The following TRNAU1AP variants were observed in gnomAD, a reference collection of about 807,000 sequenced individuals.
The protein encoded by TRNAU1AP is tRNA selenocysteine 1-associated protein 1.
Under a neutral mutation model 43.3 loss-of-function variants are expected in TRNAU1AP, and 33 were observed. The ratio of observed to expected loss-of-function variants is 0.76; its 90% confidence interval spans 0.58 to 1.02. The LOEUF (loss-of-function observed/expected upper bound fraction) is 1.02, where lower values mean the gene tolerates loss of function less well. Ranked by LOEUF, TRNAU1AP falls within the 50% of genes least tolerant of loss-of-function variation. The probability of loss-of-function intolerance (pLI) is 0.00; values close to 1 mark genes in which losing one functional copy is unlikely to be tolerated. For missense variants in TRNAU1AP, 290 were observed against 362.7 expected (o/e 0.80, Z 1.63); for synonymous variants, 143 against 129.1 (o/e 1.11, Z -0.73).
intron 2 of TRNAU1AP, among the ~76,000 whole-genome samples, chr1:28,559,067 TTTTA>T (rs1312208299): frequency 6.6e-6 from 1 of 151,706 alleles, no homozygotes; most frequent in Non-Finnish European, 1.5e-5. Flanking sequence ...TCTCTTTTAT[TTTTA>T]TTTATTTTTT....
intron 8 of TRNAU1AP, among the ~76,000 whole-genome samples, chr1:28,572,334 C>T (rs1378955284): frequency 6.6e-6 from 1 of 151,946 alleles, no homozygotes; most frequent in Non-Finnish European, 1.5e-5. Flanking sequence ...GCTGGGATTA[C>T]GGGCATGCAC....
intron 8 of TRNAU1AP, 82 bp from the exon 9 acceptor site, chr1:28,577,416 CAG>C (rs758982409): frequency 4.0e-6 from 6 of 1,493,718 alleles, no homozygotes; most frequent in Non-Finnish European, 5.5e-6. Context: ...TACCATAGAA[CAG>C]AGTTCTGGGA....
At chr1:28,565,143 T>G (rs1056192129) in intron 5 of TRNAU1AP, 1 of 320,774 alleles carries the variant, frequency 3.1e-6, no homozygotes. Flanking sequence ...TATAGGTGTT[T>G]GCTGTTTTGC....
chr1:28,570,533 C>T (rs1665642136), intron 6 of TRNAU1AP, among the ~76,000 whole-genome samples: 1 of 151,840 alleles, frequency 6.6e-6, no homozygotes, highest in African/African-American at 2.4e-5. Flanking sequence ...CAGGTGTGAG[C>T]CACCGCACCC....
At chr1:28,573,973 G>A (rs1327426300) in intron 8 of TRNAU1AP, among the ~76,000 whole-genome samples, 2 of 151,744 alleles carry the variant, frequency 1.3e-5, no homozygotes, top group Non-Finnish European at 2.9e-5. Flanking sequence ...GTCTAGGCAC[G>A]GTGGCTAAAG....
At chr1:28,577,298 A>G (rs935076992) in intron 8 of TRNAU1AP, among the ~76,000 whole-genome samples, 1 of 152,228 alleles carries the variant, frequency 6.6e-6, no homozygotes, top group Admixed American at 6.5e-5. Flanking sequence ...GCAGGCTAAC[A>G]GCTGCCATTT....
In TRNAU1AP at chr1:28,558,297, C is replaced by T. The variant is rs1489897138; in HGVS notation, c.126-2336C>T. 2.1e-5 allele frequency among the ~76,000 whole-genome samples: 3 copies of T among 143,962 alleles called. No individual in the cohort carries two copies. The South Asian group carries it at 6.6e-4, about 32-fold the overall frequency. The allele number at this position is 143,962 out of a possible 152,430, so 94.4% of individuals were successfully genotyped here. A position where few individuals can be genotyped will look rare whatever the true frequency, so the allele number is the denominator to read the frequency against. On this transcript the variant is annotated intron_variant, in intron 2 of 8. Transcript: ENST00000373830. ...GTGGCGTGATGTTGGCTCACTGCAACCTCTCCCTCCGGGTTCAAGCAATTC... is the reference window on the plus strand; with the variant it reads ...GTGGCGTGATGTTGGCTCACTGCAATCTCTCCCTCCGGGTTCAAGCAATTC...
intron 2 of TRNAU1AP, among the ~76,000 whole-genome samples, chr1:28,560,418 A>G (rs1665379728): frequency 6.6e-6 from 1 of 151,848 alleles, no homozygotes; most frequent in South Asian, 2.1e-4. Context: ...GTAAGCTGGG[A>G]CTACAGGTGT....
chr1:28,553,407 C>T (rs1186177622), intron 1 of TRNAU1AP: 4 of 621,082 alleles, frequency 6.4e-6, no homozygotes, highest in Non-Finnish European at 8.7e-6. Flanking sequence ...GACTGAGGCG[C>T]GCTGTTCTGG....
At chr1:28,561,434 G>A (rs757237167) in intron 4 of TRNAU1AP, 36 bp downstream of exon 4, 14 of 1,612,182 alleles carry the variant, frequency 8.7e-6, no homozygotes, top group East Asian at 2.2e-5. Flanking sequence ...GACATAAGAT[G>A]TGTCACTGTG....
chr1:28,553,183 C>T, intron 1 of TRNAU1AP, 46 bp downstream of exon 1: 4 of 1,458,908 alleles, frequency 2.7e-6, no homozygotes, highest in East Asian at 2.8e-5. Flanking sequence ...GGAAGCATCT[C>T]GGTTTCGCGA....
intron 8 of TRNAU1AP, among the ~76,000 whole-genome samples, chr1:28,572,540 A>C (rs1470344820): frequency 6.6e-6 from 1 of 151,750 alleles, no homozygotes; most frequent in African/African-American, 2.4e-5. Flanking sequence ...TGTAAAATTC[A>C]TTTTTTATTT....
chr1:28,560,633 G>T lies in TRNAU1AP; in HGVS notation c.126G>T (p.Gly42=). 1 of 1,612,120 alleles carries T rather than the reference G, an allele frequency of 6.2e-7. No individual in the cohort carries two copies. Among genetic ancestry groups the T allele is most frequent in the Non-Finnish European group, 8.5e-7 (1 of 1,179,220 alleles). The part of the protein sequence containing the change: ...SVKIIRNRLT[G]IPAGYCFVEF... ...CTTTCTCTATTTGCTTTTTTTCCAGGATCCCAGCTGGCTACTGCTTTGTAG... is the reference window on the plus strand; with the variant it reads ...CTTTCTCTATTTGCTTTTTTTCCAGTATCCCAGCTGGCTACTGCTTTGTAG... Residue 42 remains glycine (G), a splice_region_variant and synonymous_variant, in exon 3 of 9, where the codon GGG becomes GGT. Transcript: ENST00000373830.
intron 4 of TRNAU1AP, among the ~76,000 whole-genome samples, chr1:28,563,730 T>C (rs956432178): frequency 2.0e-5 from 3 of 151,788 alleles, no homozygotes; most frequent in South Asian, 4.1e-4. Context: ...CATGTGCCTG[T>C]AGTCCCAGCC....
chr1:28,554,823 G>C (rs1570244263), intron 2 of TRNAU1AP, among the ~76,000 whole-genome samples: 1 of 140,894 alleles, frequency 7.1e-6, no homozygotes, highest in Non-Finnish European at 1.5e-5. Context: ...CAGCCTGGGC[G>C]ACAGCTGAGA....
intron 5 of TRNAU1AP, among the ~76,000 whole-genome samples, chr1:28,566,759 CAA>C (rs1204229638): frequency 3.1e-3 from 227 of 72,302 alleles, no homozygotes; most frequent in Middle Eastern, 8.9e-3. Flanking sequence ...AACTCCATCT[CAA>C]AAAAAAAAAA....
chr1:28,576,227 C>T (rs1345856818), intron 8 of TRNAU1AP, among the ~76,000 whole-genome samples: 1 of 150,798 alleles, frequency 6.6e-6, no homozygotes, highest in Non-Finnish European at 1.5e-5. Flanking sequence ...GAACATGCCT[C>T]ACTGCAGCCT....
chr1:28,577,833 A>G lies in TRNAU1AP; in HGVS notation c.*197A>G. 1.7e-6 allele frequency: 1 copy of G among 596,030 alleles called. No individual in the cohort carries two copies. The highest frequency in any genetic ancestry group is 2.8e-6 in the Non-Finnish European group (1 of 352,700). The allele number at this position is 596,030 out of a possible 1,614,324, so 36.9% of individuals were successfully genotyped here. ...AAGACCAAGGGAACAACTTTTAAAC[A>G]AGGTTCAAATTGGTTTCCTTCACAG... On this transcript the variant is annotated 3_prime_UTR_variant, in exon 9 of 9. Coordinates refer to ENST00000373830, the MANE Select transcript of TRNAU1AP (RefSeq NM_017846.5).
At position 28,567,388 on chromosome 1, in the gene TRNAU1AP, C is replaced by T. The variant is rs1307692520; in HGVS notation, c.505C>T (p.Arg169Trp). The change falls in exon 6 of 9, where the codon CGG becomes TGG. Residue 169 changes from arginine to tryptophan, a missense_variant. Arg to Trp is a moderately radical substitution (Grantham distance 101). Around this residue, in one of 3 missense-constraint regions of TRNAU1AP, gnomAD observed 174 missense variants for 262.1 expected, o/e 0.66. Coordinates refer to ENST00000373830, the MANE Select transcript of TRNAU1AP (RefSeq NM_017846.5). ...AGTGGGACTGGGGTCTAAGCCTGTG[C>T]GGCTGAGCGTGGCAATCCCTAAAGC... ...GAVGLGSKPV[R>W]LSVAIPKASR... The T allele has an allele frequency of 6.8e-6, 11 of 1,610,918 alleles. No individual in the cohort carries two copies. The highest frequency in any genetic ancestry group is 1.7e-5 in the Admixed American group (1 of 58,850).
Sources: gnomAD v4.1 joint callset for allele counts (sites outside exome capture counted in the v4.1 genomes callset) on GRCh38, gnomAD v4.1.1 for gene constraint, gnomAD v4.1.1 regional missense constraint, MANE v1.5 for transcripts, NCBI Gene and HGNC (gene_info 2026-07-23, HGNC 2026-07-21) for gene names.